The following ZHX2 variants were observed in gnomAD, a reference collection of about 807,000 sequenced individuals.
ZHX2 encodes the protein zinc fingers and homeoboxes 2.
ZHX2 carries 6 observed loss-of-function variants against 21.9 expected under a neutral mutation model. The ratio of observed to expected loss-of-function variants is 0.27; its 90% CI spans 0.15 to 0.54. The LOEUF (loss-of-function observed/expected upper bound fraction) is 0.54, where lower values mean the gene tolerates loss of function less well. Ranked by LOEUF, ZHX2 falls within the 20% of genes least tolerant of loss-of-function variation. The pLI, the probability that ZHX2 is intolerant of heterozygous loss-of-function variation, is 0.95. For missense variants in ZHX2, 908 were observed against 1,090.7 expected, an observed-to-expected ratio of 0.83 and a Z score of 2.36; for synonymous variants, 434 against 437.1, an observed-to-expected ratio of 0.99 and a Z score of 0.09.
intron 1 of ZHX2, among the ~76,000 whole-genome samples, chr8:122,841,953 GCT>G (rs1263058842): frequency 4.6e-5 from 7 of 152,240 alleles, no homozygotes; most frequent in Admixed American, 2.6e-4. Flanking sequence ...GTCCTCCCTA[GCT>G]CTCTCCCTTA....
intron 2 of ZHX2, among the ~76,000 whole-genome samples, chr8:122,892,672 CT>C (rs1443804907): frequency 1.3e-5 from 2 of 151,990 alleles, no homozygotes; most frequent in Non-Finnish European, 2.9e-5. Flanking sequence ...TTAAGCATGT[CT>C]TTTTTTATTT....
Position 122,953,732 on chromosome 8 carries a change from A to G in ZHX2, c.2222A>G (p.Asp741Gly). The change falls in exon 3 of 4, where the codon GAC (aspartate) becomes GGC (glycine). Residue 741 changes from aspartate (D) to glycine (G), a missense_variant. By Grantham distance (94) the Asp-to-Gly change is moderately conservative (BLOSUM62 -1). Coordinates refer to ENST00000314393, the MANE Select transcript of ZHX2 (RefSeq NM_014943.5). This position sits in a 1 kb window ranked among gnomAD's most constrained non-coding sequence, Gnocchi z 4.6. ...YKDPKKLCEE[D>G]LEKLVTRVKV... Reference sequence around the variant, plus strand: ...GACCCCAAAAAGCTCTGCGAAGAGGACTTGGAGAAGTTGGTGACCAGGGTA... The same window carrying G: ...GACCCCAAAAAGCTCTGCGAAGAGGGCTTGGAGAAGTTGGTGACCAGGGTA... The G allele has an allele frequency of 6.2e-7, 1 of 1,614,236 alleles. No individual in the cohort carries two copies. Among genetic ancestry groups the G allele is most frequent in the Non-Finnish European group, 8.5e-7 (1 of 1,180,042 alleles).
chr8:122,941,857 T>C (rs1333799376), intron 2 of ZHX2, among the ~76,000 whole-genome samples: 2 of 152,146 alleles, frequency 1.3e-5, no homozygotes, highest in Non-Finnish European at 2.9e-5. Context: ...GAGGCTTGGG[T>C]GTAGTAACTC....
At chr8:122,944,002 A>T (rs1046424247) in intron 2 of ZHX2, among the ~76,000 whole-genome samples, 1 of 151,930 alleles carries the variant, frequency 6.6e-6, no homozygotes, top group African/African-American at 2.4e-5. Flanking sequence ...AGTCCTTGTC[A>T]TTCCTCAAAT....
At chr8:122,901,719 T>C (rs543767540) in intron 2 of ZHX2, among the ~76,000 whole-genome samples, 2 of 152,268 alleles carry the variant, frequency 1.3e-5, no homozygotes, top group Admixed American at 1.3e-4. Context: ...CATGATAGAT[T>C]ATCCTTGCAT....
chr8:122,963,971 G>A (rs1314336797), intron 3 of ZHX2, among the ~76,000 whole-genome samples: 1 of 151,982 alleles, frequency 6.6e-6, no homozygotes, highest in Non-Finnish European at 1.5e-5. Context: ...TTGGTGTATG[G>A]TAGTGCCACT....
chr8:122,799,062 C>T (rs1008150672), intron 1 of ZHX2, among the ~76,000 whole-genome samples: 4 of 152,288 alleles, frequency 2.6e-5, no homozygotes, highest in East Asian at 3.9e-4. Context: ...TGTTAAAGCT[C>T]GCTCCAGAAC....
intron 2 of ZHX2, among the ~76,000 whole-genome samples, chr8:122,886,352 A>G (rs896330301): frequency 6.6e-6 from 1 of 152,174 alleles, no homozygotes; most frequent in East Asian, 1.9e-4. Context: ...AGCACAAAAG[A>G]TTTTTAGGGC....
intron 3 of ZHX2, among the ~76,000 whole-genome samples, chr8:122,969,160 C>CA (rs1003688817): frequency 6.9e-4 from 91 of 131,200 alleles, no homozygotes; most frequent in African/African-American, 1.7e-3. Flanking sequence ...GACTCTGTCT[C>CA]AAAAAAAAAA....
At chr8:122,876,765 G>C (rs1404436753) in intron 2 of ZHX2, among the ~76,000 whole-genome samples, 1 of 152,224 alleles carries the variant, frequency 6.6e-6, no homozygotes, top group Non-Finnish European at 1.5e-5. Context: ...CTTGAATCGA[G>C]TTGGATTGTA....
chr8:122,958,093 G>C (rs1386806110), intron 3 of ZHX2, among the ~76,000 whole-genome samples: 5 of 152,194 alleles, frequency 3.3e-5, no homozygotes, highest in South Asian at 4.1e-4. Flanking sequence ...GAGGGTGAAG[G>C]GGGAGGAACT....
intron 3 of ZHX2, among the ~76,000 whole-genome samples, chr8:122,955,876 A>C (rs1586423839): frequency 8.5e-6 from 1 of 117,790 alleles, no homozygotes. Flanking sequence ...ACAGAGTCTC[A>C]CTCTGTTGCC....
intron 1 of ZHX2, among the ~76,000 whole-genome samples, chr8:122,830,762 A>G (rs989680170): frequency 3.3e-5 from 5 of 152,160 alleles, no homozygotes; most frequent in Non-Finnish European, 7.3e-5. Flanking sequence ...CGTGGCTCAG[A>G]GTCTGGTAAG....
intron 3 of ZHX2, among the ~76,000 whole-genome samples, chr8:122,965,035 T>A (rs1362085616): frequency 1.3e-5 from 2 of 150,200 alleles, no homozygotes; most frequent in Non-Finnish European, 3.0e-5. Flanking sequence ...TCTCTTCTGT[T>A]TTTTTTTTTT....
chr8:122,789,150 G>A (rs899058185), intron 1 of ZHX2, among the ~76,000 whole-genome samples: 3 of 152,238 alleles, frequency 2.0e-5, no homozygotes, highest in Non-Finnish European at 2.9e-5. Flanking sequence ...GGAAGCAGGC[G>A]GAGGGAGGGT....
chr8:122,854,733 T>G (rs2130752391), intron 1 of ZHX2, among the ~76,000 whole-genome samples: 1 of 152,228 alleles, frequency 6.6e-6, no homozygotes, highest in South Asian at 2.1e-4. Flanking sequence ...CTATGCATCT[T>G]TCAATCCAGC....
intron 1 of ZHX2, among the ~76,000 whole-genome samples, chr8:122,811,572 C>T (rs919726795): frequency 7.9e-5 from 12 of 152,148 alleles, no homozygotes; most frequent in Admixed American, 3.3e-4. Context: ...AGGCCACTGC[C>T]GCCCTCTGAT....
intron 2 of ZHX2, among the ~76,000 whole-genome samples, chr8:122,898,307 G>A (rs1196066515): frequency 6.6e-6 from 1 of 152,144 alleles, no homozygotes; most frequent in Non-Finnish European, 1.5e-5. Context: ...AAGCCTCAGG[G>A]AAAGTTGACG....
intron 1 of ZHX2, among the ~76,000 whole-genome samples, chr8:122,794,607 A>G (rs1237532779): frequency 6.6e-6 from 1 of 152,230 alleles, no homozygotes; most frequent in Admixed American, 6.5e-5. Context: ...AGTCCACTAC[A>G]GACTGCCAGT....
Sources: gnomAD v4.1 joint callset for allele counts (sites outside exome capture counted in the v4.1 genomes callset) on GRCh38, gnomAD v4.1.1 for gene constraint, Gnocchi (gnomAD v3.1) non-coding constraint, MANE v1.5 for transcripts, NCBI Gene and HGNC (gene_info 2026-07-23, HGNC 2026-07-21) for gene names.